KCNJ6: variants seen among roughly 807,000 people sequenced by gnomAD.
The protein encoded by KCNJ6 is potassium inwardly rectifying channel subfamily J member 6, also known as G protein-activated inward rectifier potassium channel 2.
KCNJ6 carries 9 observed loss-of-function variants against 34.2 expected under a neutral mutation model. That is an observed-to-expected ratio of 0.26 (90% CI 0.16 to 0.46). The LOEUF (loss-of-function observed/expected upper bound fraction) is 0.46, where lower values mean the gene tolerates loss of function less well. Ranked by LOEUF, KCNJ6 falls within the 20% of genes least tolerant of loss-of-function variation. The pLI is 1.00. For missense variants in KCNJ6, 236 were observed against 531.3 expected, an observed-to-expected ratio of 0.44 and a Z score of 5.46; for synonymous variants, 196 against 207.1, an observed-to-expected ratio of 0.95 and a Z score of 0.46.
intron 1 of KCNJ6, among the ~76,000 whole-genome samples, chr21:37,867,134 T>C (rs142749763): frequency 2.3e-3 from 354 of 152,384 alleles, no homozygotes; most frequent in African/African-American, 7.8e-3. Flanking sequence ...TTTGAATCTT[T>C]TGTAACATTT....
chr21:37,827,761 C>G (rs956523809), intron 2 of KCNJ6, among the ~76,000 whole-genome samples: 1 of 152,014 alleles, frequency 6.6e-6, no homozygotes, highest in Non-Finnish European at 1.5e-5. Context: ...AATATATTAT[C>G]TCTCTCTCAG....
intron 2 of KCNJ6, among the ~76,000 whole-genome samples, chr21:37,825,209 C>T (rs930699487): frequency 6.6e-6 from 1 of 152,126 alleles, no homozygotes; most frequent in African/African-American, 2.4e-5. Context: ...GGATCTGGAT[C>T]GTCGAGGCCA....
intron 3 of KCNJ6, among the ~76,000 whole-genome samples, chr21:37,670,646 T>A (rs1320364837): frequency 6.6e-6 from 1 of 152,172 alleles, no homozygotes; most frequent in African/African-American, 2.4e-5. Flanking sequence ...ATGCTTGTAG[T>A]CCCAGCTACT....
chr21:37,635,267 G>T (rs1044490560), intron 3 of KCNJ6, among the ~76,000 whole-genome samples: 8 of 152,104 alleles, frequency 5.3e-5, no homozygotes, highest in African/African-American at 1.9e-4. Flanking sequence ...TGCCCAGGCT[G>T]GAGTGCAGTG....
intron 3 of KCNJ6, among the ~76,000 whole-genome samples, chr21:37,679,309 T>C (rs776918328): frequency 7.2e-5 from 11 of 152,198 alleles, no homozygotes; most frequent in Non-Finnish European, 1.2e-4. Flanking sequence ...TTTCAGCCAC[T>C]AAGTTTTGGG....
chr21:37,758,697 G>C (rs996709722), intron 2 of KCNJ6, among the ~76,000 whole-genome samples: 1 of 152,160 alleles, frequency 6.6e-6, no homozygotes, highest in African/African-American at 2.4e-5. Context: ...CAGTGCAGTG[G>C]TGCCGTGATA....
intron 2 of KCNJ6, among the ~76,000 whole-genome samples, chr21:37,746,529 T>C (rs2054968448): frequency 6.6e-6 from 1 of 152,142 alleles, no homozygotes; most frequent in Admixed American, 6.5e-5. Context: ...TTTATCACCA[T>C]TGTTAAGATA....
intron 2 of KCNJ6, among the ~76,000 whole-genome samples, chr21:37,767,823 A>G (rs900513951): frequency 2.6e-5 from 4 of 152,148 alleles, no homozygotes; most frequent in Non-Finnish European, 5.9e-5. Context: ...AAATCGTGAG[A>G]GGGGAATTTA....
chr21:37,784,067 G>A (rs1041441093), intron 2 of KCNJ6, among the ~76,000 whole-genome samples: 2 of 152,180 alleles, frequency 1.3e-5, no homozygotes, highest in African/African-American at 2.4e-5. Context: ...TTATAGTGAC[G>A]TGAGCTGACT....
chr21:37,857,596 T>C (rs536102977), intron 1 of KCNJ6, among the ~76,000 whole-genome samples: 2 of 152,346 alleles, frequency 1.3e-5, no homozygotes, highest in East Asian at 3.9e-4. Flanking sequence ...ACTAAACCTC[T>C]GACAAAGCCC....
chr21:37,907,453 T>C (rs1450061658), intron 1 of KCNJ6, among the ~76,000 whole-genome samples: 1 of 152,214 alleles, frequency 6.6e-6, no homozygotes, highest in African/African-American at 2.4e-5. Context: ...GCTTCTCTCA[T>C]AGCCATTAGA....
chr21:37,869,237 G>T (rs1269301238), intron 1 of KCNJ6, among the ~76,000 whole-genome samples: 1 of 152,242 alleles, frequency 6.6e-6, no homozygotes, highest in Non-Finnish European at 1.5e-5. Context: ...CATTTCCATG[G>T]CCTCCACGGC....
intron 2 of KCNJ6, among the ~76,000 whole-genome samples, chr21:37,793,265 G>C (rs2123523695): frequency 6.6e-6 from 1 of 152,222 alleles, no homozygotes; most frequent in East Asian, 1.9e-4. Context: ...TACATATGGA[G>C]GAATGGTGCA....
chr21:37,656,119 G>A (rs1230742377), intron 3 of KCNJ6, among the ~76,000 whole-genome samples: 2 of 152,150 alleles, frequency 1.3e-5, no homozygotes, highest in Non-Finnish European at 2.9e-5. Flanking sequence ...TCAGCGTGAT[G>A]CTGCTGTGCC....
intron 2 of KCNJ6, among the ~76,000 whole-genome samples, chr21:37,777,787 T>G (rs2055149240): frequency 6.6e-6 from 1 of 152,218 alleles, no homozygotes; most frequent in Non-Finnish European, 1.5e-5. Flanking sequence ...TCAACCTGGC[T>G]CTGTCACCAG....
In KCNJ6 at chr21:37,715,067, T is replaced by G. The variant is rs896541146; in HGVS notation, c.90A>C (p.Pro30=). 27 of 1,614,104 alleles carry G rather than the reference T, an allele frequency of 1.7e-5. No individual in the cohort carries two copies. The Admixed American group carries it at 3.2e-4, about 19-fold the overall frequency. ...CATCCCTGGCCTGCTTAGGCAACTT[T>G]GGCTGGTGAATGGCCACTGGGCTTT... ...DVESPVAIHQ[P]KLPKQARDDL... The change falls in exon 3 of 4, where the codon CCA becomes CCC. Residue 30 remains proline (P), a synonymous_variant. Transcript: ENST00000609713.
intron 1 of KCNJ6, among the ~76,000 whole-genome samples, chr21:37,841,382 T>A (rs2055480012): frequency 1.3e-5 from 2 of 152,238 alleles, no homozygotes; most frequent in African/African-American, 2.4e-5. Context: ...CTCTTTAACT[T>A]TTCCACAGTT....
chr21:37,715,240 A>T, intron 2 of KCNJ6, 109 bp from the exon 3 acceptor site: 1 of 951,060 alleles, frequency 1.1e-6, no homozygotes, highest in Non-Finnish European at 1.5e-6. Flanking sequence ...CCATTTGTGT[A>T]GCTATAAACA....
At chr21:37,808,767 T>C (rs773258311) in intron 2 of KCNJ6, among the ~76,000 whole-genome samples, 6 of 152,242 alleles carry the variant, frequency 3.9e-5, no homozygotes, top group Non-Finnish European at 8.8e-5. Flanking sequence ...GCATTGGCTC[T>C]GCAAGACTTC....
Sources: gnomAD v4.1 joint callset for allele counts (sites outside exome capture counted in the v4.1 genomes callset) on GRCh38, gnomAD v4.1.1 for gene constraint, MANE v1.5 for transcripts, NCBI Gene and HGNC (gene_info 2026-07-23, HGNC 2026-07-21) for gene names.